IGSF23: variants seen among roughly 807,000 people sequenced by gnomAD.
IGSF23 encodes the protein immunoglobulin superfamily, member 23.
Under a neutral mutation model 17.8 loss-of-function variants are expected in IGSF23, and 14 were observed. That is an observed-to-expected ratio of 0.79 (90% CI 0.52 to 1.23). The LOEUF is 1.23. Among genes scored for constraint, IGSF23 ranks in the 50% most tolerant of loss-of-function variants. The pLI, the probability that IGSF23 is intolerant of heterozygous loss-of-function variation, is 0.00. For synonymous variants in IGSF23, 85 were observed against 92.5 expected (o/e 0.92, Z 0.46); for missense variants, 214 against 241.7 (o/e 0.89, Z 0.76).
chr19:44,624,435 C>T (rs147191944), intron 2 of IGSF23, among the ~76,000 whole-genome samples: 1 of 152,068 alleles, frequency 6.6e-6, no homozygotes, highest in African/African-American at 2.4e-5. Flanking sequence ...CAGGCATGCA[C>T]CACCACATCT....
chr19:44,635,515 A>G, intron 4 of IGSF23, 50 bp downstream of exon 4: 1 of 1,349,752 alleles, frequency 7.4e-7, no homozygotes, highest in South Asian at 1.3e-5. Context: ...GAACAGAAAG[A>G]AGTTCTTGGG....
At chr19:44,615,938 G>T (rs1317410841) in intron 1 of IGSF23, among the ~76,000 whole-genome samples, 1 of 152,182 alleles carries the variant, frequency 6.6e-6, no homozygotes, top group East Asian at 1.9e-4. Context: ...TTGGAAATTG[G>T]CTGTGCCACT....
At chr19:44,628,372 C>T (rs572491424) in intron 3 of IGSF23, among the ~76,000 whole-genome samples, 1 of 152,270 alleles carries the variant, frequency 6.6e-6, no homozygotes, top group African/African-American at 2.4e-5. Context: ...GAAGAAACAG[C>T]AGAAAGACCC....
chr19:44,621,466 T>A (rs899582057), intron 1 of IGSF23, among the ~76,000 whole-genome samples: 4 of 151,248 alleles, frequency 2.6e-5, no homozygotes, highest in Non-Finnish European at 5.9e-5. Context: ...CTGGGCAACA[T>A]GGTGAGACCC....
chr19:44,615,991 G>A (rs1206862087), intron 1 of IGSF23, among the ~76,000 whole-genome samples: 1 of 152,186 alleles, frequency 6.6e-6, no homozygotes, highest in East Asian at 1.9e-4. Flanking sequence ...TTTACAACAT[G>A]TTTGCAAAGT....
intron 2 of IGSF23, among the ~76,000 whole-genome samples, chr19:44,624,914 A>AC (rs1157605851): frequency 8.0e-6 from 1 of 125,168 alleles, no homozygotes; most frequent in East Asian, 2.4e-4. Flanking sequence ...AAAAAAAAAA[A>AC]AAAAAAAACT....
chr19:44,619,235 AT>A (rs1292832883), intron 1 of IGSF23, among the ~76,000 whole-genome samples: 1 of 152,164 alleles, frequency 6.6e-6, no homozygotes, highest in African/African-American at 2.4e-5. Context: ...GCCATAAGGG[AT>A]CCGCCCCTGT....
At chr19:44,634,549 G>C (rs144300972) in intron 3 of IGSF23, among the ~76,000 whole-genome samples, 1 of 152,172 alleles carries the variant, frequency 6.6e-6, no homozygotes, top group Non-Finnish European at 1.5e-5. Context: ...TGCCTGAATA[G>C]AACTGACAGC....
At chr19:44,625,686 G>A (rs2123721926) in intron 2 of IGSF23, among the ~76,000 whole-genome samples, 1 of 152,300 alleles carries the variant, frequency 6.6e-6, no homozygotes, top group African/African-American at 2.4e-5. Context: ...TGTTTTTAGT[G>A]TGTTATTCAT....
intron 4 of IGSF23, among the ~76,000 whole-genome samples, chr19:44,635,786 A>G (rs117992516): frequency 5.9e-5 from 9 of 152,370 alleles, no homozygotes; most frequent in East Asian, 5.8e-4. Context: ...ATAAGGACCT[A>G]TGAAATTTTT....
At chr19:44,629,005 T>C (rs1165446248) in intron 3 of IGSF23, among the ~76,000 whole-genome samples, 2 of 152,074 alleles carry the variant, frequency 1.3e-5, no homozygotes, top group Non-Finnish European at 2.9e-5. Context: ...GCCTGGCATG[T>C]TCAGGAAATA....
intron 2 of IGSF23, among the ~76,000 whole-genome samples, chr19:44,626,695 T>G (rs1368173129): frequency 1.3e-5 from 2 of 152,048 alleles, no homozygotes; most frequent in Non-Finnish European, 2.9e-5. Flanking sequence ...GCTAGGAGTT[T>G]GAGACCACGC....
intron 1 of IGSF23, among the ~76,000 whole-genome samples, chr19:44,616,716 A>G (rs893566785): frequency 4.0e-5 from 6 of 150,148 alleles, no homozygotes; most frequent in African/African-American, 1.5e-4. Flanking sequence ...AAAAAAGAAG[A>G]AGGAAATAGA....
chr19:44,626,956 G>T (rs1230234009), intron 2 of IGSF23, among the ~76,000 whole-genome samples: 1 of 151,640 alleles, frequency 6.6e-6, no homozygotes, highest in Middle Eastern at 3.2e-3. Context: ...CAAGCCAAGA[G>T]AGAGAGATGG....
At chr19:44,618,290 G>T in intron 1 of IGSF23, 1 of 416,618 alleles carries the variant, frequency 2.4e-6, no homozygotes. Flanking sequence ...ACACTGGCCG[G>T]GAGATGCTGG....
intron 3 of IGSF23, among the ~76,000 whole-genome samples, chr19:44,634,008 C>T (rs1401340782): frequency 6.6e-6 from 1 of 152,206 alleles, no homozygotes; most frequent in Non-Finnish European, 1.5e-5. Context: ...ACTAGACCTT[C>T]CTAAAAGTAA....
At chr19:44,627,947 C>CTT (rs56014048) in intron 3 of IGSF23, among the ~76,000 whole-genome samples, 195 of 139,288 alleles carry the variant, frequency 1.4e-3, no homozygotes, top group Middle Eastern at 3.7e-3. Flanking sequence ...TTTTCTTTTT[C>CTT]TTTTTTTTTT....
intron 1 of IGSF23, among the ~76,000 whole-genome samples, chr19:44,621,281 TCAA>T (rs1972514203): frequency 1.6e-5 from 1 of 61,654 alleles, no homozygotes. Flanking sequence ...AGACCCTGTC[TCAA>T]AAAAAAAAAA....
rs952519400 is a variant in IGSF23, at chr19:44,635,481, G to C, written c.*31+16G>C. 6.5e-7 allele frequency: 1 copy of C among 1,532,896 alleles called. No homozygotes were observed. Among genetic ancestry groups the C allele is most frequent in the South Asian group, 1.2e-5 (1 of 83,502 alleles). The allele number at this position is 1,532,896 out of a possible 1,614,324, so 95.0% of individuals were successfully genotyped here. ...AGCTGAAGAGGTAATACCAGGAAGGGTGTGAAGGAAATCCTAGGTTTGGGA... is the reference window on the plus strand; with the variant it reads ...AGCTGAAGAGGTAATACCAGGAAGGCTGTGAAGGAAATCCTAGGTTTGGGA... On this transcript the variant is annotated intron_variant, in intron 4 of 4. Coordinates refer to ENST00000402988, the MANE Select transcript of IGSF23 (RefSeq NM_001205280.2).
Sources: allele counts gnomAD v4.1 joint callset (sites outside exome capture counted in the v4.1 genomes callset), GRCh38; gene constraint gnomAD v4.1.1; transcripts MANE v1.5; gene names NCBI Gene and HGNC (gene_info 2026-07-23, HGNC 2026-07-21).